Variants in TMEM132D observed in about 807,000 individuals in gnomAD.
TMEM132D encodes the protein transmembrane protein 132D, also known as mature OL transmembrane protein.
TMEM132D carries 21 observed loss-of-function variants against 62.3 expected under a neutral mutation model. That is an observed-to-expected ratio of 0.34 (90% confidence interval 0.24 to 0.49). The LOEUF is 0.49. TMEM132D is among the 20% of genes least tolerant of loss of function. TMEM132D has a pLI of 0.99. For synonymous variants in TMEM132D, 621 were observed against 575.6 expected (o/e 1.08, Z -1.13); for missense variants, 1,346 against 1,402.8 (o/e 0.96, Z 0.65).
At chr12:129,102,139 CTGT>C (rs1472619476) in intron 5 of TMEM132D, among the ~76,000 whole-genome samples, 2 of 152,140 alleles carry the variant, frequency 1.3e-5, no homozygotes, top group Non-Finnish European at 2.9e-5. Context: ...TCCCTCTGTG[CTGT>C]TGGTACCTTT....
intron 3 of TMEM132D, among the ~76,000 whole-genome samples, chr12:129,356,504 C>T (rs1385700554): frequency 1.3e-5 from 2 of 151,426 alleles, no homozygotes; most frequent in African/African-American, 2.4e-5. Flanking sequence ...ACAAATGCTA[C>T]ACGAAAGCTT....
chr12:129,535,777 CGTGTGTGTGTGT>C (rs779067793), intron 2 of TMEM132D, among the ~76,000 whole-genome samples: 1 of 74,672 alleles, frequency 1.3e-5, no homozygotes, highest in Non-Finnish European at 2.7e-5. Context: ...GATTTGTGTG[CGTGTGTGTGTGT>C]GTGTGTGTGT....
At chr12:129,099,831 A>AT (rs1256599626) in intron 5 of TMEM132D, among the ~76,000 whole-genome samples, 20 of 122,374 alleles carry the variant, frequency 1.6e-4, no homozygotes, top group South Asian at 2.1e-4. Flanking sequence ...TTTTATTTTT[A>AT]TTTTTATTTT....
chr12:129,682,694 C>T (rs1359589108), intron 2 of TMEM132D, among the ~76,000 whole-genome samples: 3 of 151,678 alleles, frequency 2.0e-5, no homozygotes, highest in African/African-American at 7.3e-5. Flanking sequence ...CCTGTCTCTA[C>T]TAAAAATACA....
At position 129,731,056 on chromosome 12, in the gene TMEM132D, G is replaced by T. The variant is rs890265205; in HGVS notation, c.80-30358C>A. ...CTATCCTATTGGTTCTGTCCCTCTAGAGAACCCTGATTAATACACCAGGGG... is the reference window on the plus strand; with the variant it reads ...CTATCCTATTGGTTCTGTCCCTCTATAGAACCCTGATTAATACACCAGGGG... On this transcript the variant is annotated intron_variant, in intron 1 of 8. Transcript: ENST00000422113. Among the ~76,000 whole-genome samples, 6 of 152,058 alleles carry T rather than the reference G, an allele frequency of 3.9e-5. 1 individual carries two copies. The highest frequency in any genetic ancestry group is 3.9e-4 in the Admixed American group (6 of 15,260).
intron 3 of TMEM132D, among the ~76,000 whole-genome samples, chr12:129,529,610 A>T (rs1462450672): frequency 2.6e-5 from 4 of 152,258 alleles, no homozygotes; most frequent in African/African-American, 4.8e-5. Context: ...AAAAGAAATC[A>T]CAAGAGAAAA....
In TMEM132D at chr12:129,277,686, G is replaced by A. The variant is rs769391708; in HGVS notation, c.1299+59948C>T. Among the ~76,000 whole-genome samples the A allele has an allele frequency of 2.0e-5, 3 of 152,066 alleles. No homozygotes were observed. The highest frequency in any genetic ancestry group is 4.4e-5 in the Non-Finnish European group (3 of 68,006). ...AGTATCTCAATTTTTTAAATTGCCC[G>A]TATTGTGTTTTTCTTATCAGAATCA... is the stretch of plus-strand genomic sequence containing the variant. On this transcript the variant is annotated intron_variant, in intron 4 of 8. Coordinates refer to ENST00000422113, the MANE Select transcript of TMEM132D (RefSeq NM_133448.3). The surrounding 1 kb of genome is among the most constrained non-coding windows in gnomAD (Gnocchi z 4.2).
chr12:129,453,598 A>T (rs574406268), intron 3 of TMEM132D, among the ~76,000 whole-genome samples: 1 of 152,138 alleles, frequency 6.6e-6, no homozygotes, highest in East Asian at 1.9e-4. Context: ...TGTATTGAGG[A>T]TGTGCTGTCT....
At chr12:129,266,290 T>C (rs1040514457) in intron 4 of TMEM132D, among the ~76,000 whole-genome samples, 2 of 152,160 alleles carry the variant, frequency 1.3e-5, no homozygotes, top group African/African-American at 2.4e-5. Flanking sequence ...CTCCTCCTCC[T>C]GTGCACAGCC....
chr12:129,410,577 C>G (rs1424726412), intron 3 of TMEM132D, among the ~76,000 whole-genome samples: 1 of 151,882 alleles, frequency 6.6e-6, no homozygotes, highest in Non-Finnish European at 1.5e-5. Context: ...CCAGGCTGCT[C>G]TCAATCTCCT....
intron 1 of TMEM132D, among the ~76,000 whole-genome samples, chr12:129,782,402 C>CTTTGT (rs1871144664): frequency 1.3e-5 from 2 of 152,284 alleles, no homozygotes; most frequent in South Asian, 4.1e-4. Context: ...TGATCTTAGA[C>CTTTGT]AAGTTGATTT....
intron 3 of TMEM132D, among the ~76,000 whole-genome samples, chr12:129,489,479 T>C (rs746255882): frequency 2.6e-5 from 4 of 152,242 alleles, no homozygotes; most frequent in African/African-American, 9.6e-5. Flanking sequence ...TACTGTTATA[T>C]GCCTACAATA....
rs1345375153 is a variant in TMEM132D, at chr12:129,072,544, A to C, written c.*1331T>G. 2 of 152,328 alleles carry C rather than the reference A, an allele frequency of 1.3e-5. No homozygotes were observed. The highest frequency in any genetic ancestry group is 2.9e-5 in the Non-Finnish European group (2 of 68,146). 9.4% of individuals were successfully genotyped at this position (152,328 alleles called of 1,614,324 possible). Reference sequence around the variant, plus strand: ...GCTGACTGCAGGACCAAGTGCTTGCAAACCTGCATCTTCACCACATGCACT... The same window carrying C: ...GCTGACTGCAGGACCAAGTGCTTGCCAACCTGCATCTTCACCACATGCACT... On this transcript the variant is annotated 3_prime_UTR_variant, in exon 9 of 9. Coordinates refer to ENST00000422113, the MANE Select transcript of TMEM132D (RefSeq NM_133448.3).
chr12:129,747,807 TACACACACTTG>T (rs967272219), intron 1 of TMEM132D, among the ~76,000 whole-genome samples: 2 of 142,720 alleles, frequency 1.4e-5, no homozygotes, highest in Non-Finnish European at 3.0e-5. Flanking sequence ...ACACATTTGA[TACACACACTTG>T]ACACACACTC....
At chr12:129,386,473 C>T (rs1871108196) in intron 3 of TMEM132D, among the ~76,000 whole-genome samples, 1 of 151,894 alleles carries the variant, frequency 6.6e-6, no homozygotes, top group African/African-American at 2.4e-5. Context: ...CCAACGCCAA[C>T]ACTAACACCA....
At chr12:129,109,135 G>A (rs985312687) in intron 5 of TMEM132D, among the ~76,000 whole-genome samples, 21 of 152,188 alleles carry the variant, frequency 1.4e-4, no homozygotes, top group South Asian at 2.1e-4. Context: ...GCACAATAGC[G>A]TTAGAAGACA....
In TMEM132D at chr12:129,322,254, A is replaced by C. The variant is rs150664256; in HGVS notation, c.1299+15380T>G. Among the ~76,000 whole-genome samples, 371 of 152,226 alleles carry C rather than the reference A, an allele frequency of 2.4e-3. 2 individuals carry two copies. The highest frequency in any genetic ancestry group is 8.5e-3 in the African/African-American group (353 of 41,534). ...TGCATTGGCCCTGTATATTCTTACT[A>C]ATATAGTTCCATGCTTAAATCCTGG... is the stretch of plus-strand genomic sequence containing the variant. On this transcript the variant is annotated intron_variant, in intron 4 of 8. Coordinates refer to ENST00000422113, the MANE Select transcript of TMEM132D (RefSeq NM_133448.3).
At chr12:129,609,141 C>T (rs1456722521) in intron 2 of TMEM132D, among the ~76,000 whole-genome samples, 4 of 151,992 alleles carry the variant, frequency 2.6e-5, no homozygotes, top group Non-Finnish European at 4.4e-5. Context: ...GACGGGATTT[C>T]ACCATCTTGG....
At position 129,132,550 on chromosome 12, in the gene TMEM132D, G is replaced by T. The variant is rs185160315; in HGVS notation, c.1444-47848C>A. 3.3e-5 allele frequency among the ~76,000 whole-genome samples: 5 copies of T among 152,220 alleles called. No homozygotes were observed. In the East Asian group the frequency reaches 9.7e-4, roughly 29 times the overall value. ...ATGCTGCACATTAGGTCTCCAGAAG[G>T]TATTTGTTTTAAAGCTATAAGTTTG... On this transcript the variant is annotated intron_variant, in intron 5 of 8. Coordinates refer to ENST00000422113, the MANE Select transcript of TMEM132D (RefSeq NM_133448.3).
Sources: allele counts gnomAD v4.1 joint callset (sites outside exome capture counted in the v4.1 genomes callset), GRCh38; gene constraint gnomAD v4.1.1; non-coding constraint Gnocchi (gnomAD v3.1); transcripts MANE v1.5; gene names NCBI Gene and HGNC (gene_info 2026-07-23, HGNC 2026-07-21).